The following CDKL5 variants were observed in gnomAD, a reference collection of about 807,000 sequenced individuals.
CDKL5 encodes cyclin dependent kinase like 5.
In CDKL5, 8 loss-of-function variants were observed where a neutral mutation model predicts 61.7. That is an observed-to-expected ratio of 0.13 (90% confidence interval 0.08 to 0.23). The LOEUF is 0.23. Ranked by LOEUF, CDKL5 falls within the 10% of genes least tolerant of loss-of-function variation. CDKL5 has a pLI of 1.00. For synonymous variants in CDKL5, 275 were observed against 272.3 expected (o/e 1.01, Z -0.10); for missense variants, 440 against 734.5 (o/e 0.60, Z 4.63).
chrX:18,540,711 CAG>C (rs1471431023), intron 3 of CDKL5, among the ~76,000 whole-genome samples: 5 of 105,713 alleles, frequency 4.7e-5, no homozygotes, highest in Admixed American at 3.1e-4. Context: ...TTTTTTGAGA[CAG>C]AGTCTTACTC....
chrX:18,606,804 A>G (rs987676994), intron 12 of CDKL5, among the ~76,000 whole-genome samples: 3 of 112,480 alleles, frequency 2.7e-5, no homozygotes, highest in Non-Finnish European at 3.8e-5. Context: ...TGGCTTTTGC[A>G]ATAATTCAAG....
chrX:18,445,066 G>A lies in CDKL5; in HGVS notation c.-163+19371G>A, dbSNP rs1403777138. Among the ~76,000 whole-genome samples, 3 of 103,674 alleles carry A rather than the reference G, an allele frequency of 2.9e-5. No homozygotes were observed. The Admixed American group carries it at 3.1e-4, about 11-fold the overall frequency. The allele number at this position is 103,674 out of a possible 115,157, so 90.0% of individuals were successfully genotyped here. ...GAACAGACTTGGGGTTTTCCCTTCT[G>A]TTTGGGTCACTTTTTTTTTTTTTTT... On this transcript the variant is annotated intron_variant, in intron 1 of 17. Coordinates refer to ENST00000623535, the MANE Select transcript of CDKL5 (RefSeq NM_001323289.2).
intron 3 of CDKL5, among the ~76,000 whole-genome samples, chrX:18,564,070 C>G (rs770028058): frequency 2.7e-5 from 3 of 111,642 alleles, no homozygotes; most frequent in South Asian, 7.5e-4. Flanking sequence ...CCAGCAACTA[C>G]TGTGTATTGG....
chrX:18,571,162 A>T (rs770965991), intron 4 of CDKL5, among the ~76,000 whole-genome samples: 2 of 111,391 alleles, frequency 1.8e-5, no homozygotes, highest in East Asian at 5.6e-4. Flanking sequence ...GTATGTGAAT[A>T]ATTGCAACTA....
chrX:18,533,142 C>T (rs1273821523), intron 3 of CDKL5, among the ~76,000 whole-genome samples: 1 of 111,153 alleles, frequency 9.0e-6, no homozygotes, highest in African/African-American at 3.3e-5. Context: ...AAATGATTTG[C>T]CGTACTGAAA....
chrX:18,439,394 G>GGTGTGTGTGT (rs752724398), intron 1 of CDKL5, among the ~76,000 whole-genome samples: 11 of 101,896 alleles, frequency 1.1e-4, no homozygotes, highest in Non-Finnish European at 2.0e-4. Flanking sequence ...TTCCATAATA[G>GGTGTGTGTGT]GTGTGTGTGT....
chrX:18,442,835 C>G (rs1380701915), intron 1 of CDKL5, among the ~76,000 whole-genome samples: 3 of 112,062 alleles, frequency 2.7e-5, no homozygotes, highest in Non-Finnish European at 5.6e-5. Context: ...GAAATTAGTT[C>G]AGCTCTTTTT....
chrX:18,590,826 T>G (rs746933478), intron 9 of CDKL5, among the ~76,000 whole-genome samples: 8 of 111,687 alleles, frequency 7.2e-5, no homozygotes, highest in Non-Finnish European at 1.3e-4. Flanking sequence ...TCTATTATAC[T>G]CAGAAATAAA....
intron 1 of CDKL5, among the ~76,000 whole-genome samples, chrX:18,476,783 T>A (rs1389266396): frequency 8.9e-6 from 1 of 112,340 alleles, no homozygotes; most frequent in African/African-American, 3.2e-5. Flanking sequence ...TCTTTTTTTT[T>A]TTGAGACGGA....
At chrX:18,434,618 A>G (rs978559490) in intron 1 of CDKL5, among the ~76,000 whole-genome samples, 1 of 112,268 alleles carries the variant, frequency 8.9e-6, no homozygotes, top group Non-Finnish European at 1.9e-5. Context: ...TTTAGATATC[A>G]GTTTTAAACT....
At chrX:18,558,221 A>T (rs1056511307) in intron 3 of CDKL5, among the ~76,000 whole-genome samples, 3 of 111,821 alleles carry the variant, frequency 2.7e-5, no homozygotes, top group Non-Finnish European at 3.8e-5. Flanking sequence ...ATTGCTTAAG[A>T]TGTCGGCTTT....
At chrX:18,616,375 C>T (rs1157191784) in intron 15 of CDKL5, among the ~76,000 whole-genome samples, 1 of 111,473 alleles carries the variant, frequency 9.0e-6, no homozygotes, top group African/African-American at 3.3e-5. Flanking sequence ...CCTGTAATCC[C>T]AGCACTTAGG....
intron 1 of CDKL5, among the ~76,000 whole-genome samples, chrX:18,431,919 C>CTT (rs57049489): frequency 1.9e-5 from 2 of 105,007 alleles, no homozygotes; most frequent in African/African-American, 7.0e-5. Flanking sequence ...TAGACCTCTC[C>CTT]TTTTTTTGAG....
chrX:18,628,498 G>A lies in CDKL5; in HGVS notation c.2624G>A (p.Arg875Gln). ...QQTKNSFSEIRIHPLSQASGG... is the reference protein window; with the variant it reads ...QQTKNSFSEIQIHPLSQASGG... ...ACCAAAAATTCCTTCTCAGAAATTCGGATTCACCCCCTGAGCCAGGCCTCT... is the reference window on the plus strand; with the variant it reads ...ACCAAAAATTCCTTCTCAGAAATTCAGATTCACCCCCTGAGCCAGGCCTCT... The change falls in exon 18 of 18, where the codon CGG (arginine) becomes CAG (glutamine). Residue 875 changes from arginine (R) to glutamine (Q), a missense_variant. Arg to Gln is a conservative substitution (Grantham distance 43, BLOSUM62 1). This residue lies in a region of CDKL5 where 363 missense variants were observed against 516.3 expected (regional missense o/e 0.70). Transcript: ENST00000623535. 6 of 1,211,789 alleles carry A rather than the reference G, an allele frequency of 5.0e-6. No individual in the cohort carries two copies. Among genetic ancestry groups the A allele is most frequent in the Non-Finnish European group, 5.6e-6 (5 of 895,501 alleles).
chrX:18,608,906 G>A lies in CDKL5; in HGVS notation c.2040G>A (p.Lys680=), dbSNP rs761995288. ...EGTSSFHTRQ[K]SEGGVYHDPH... Reference sequence around the variant, plus strand: ...CCTCTTCCTTCCATACACGCCAGAAGTCTGAGGTATGTCACAATAAAATAT... The same window carrying A: ...CCTCTTCCTTCCATACACGCCAGAAATCTGAGGTATGTCACAATAAAATAT... The change falls in exon 13 of 18, where the codon AAG becomes AAA. Residue 680 remains lysine, a synonymous_variant. Coordinates refer to ENST00000623535, the MANE Select transcript of CDKL5 (RefSeq NM_001323289.2). 1.7e-6 allele frequency: 2 copies of A among 1,163,969 alleles called. No homozygotes were observed. Among genetic ancestry groups the A allele is most frequent in the Admixed American group, 4.4e-5 (2 of 45,945 alleles).
intron 3 of CDKL5, among the ~76,000 whole-genome samples, chrX:18,536,611 A>C (rs932802392): frequency 9.3e-6 from 1 of 107,544 alleles, no homozygotes; most frequent in African/African-American, 3.4e-5. Flanking sequence ...ACCCCTGGCT[A>C]ATTTTTGTAT....
intron 17 of CDKL5, among the ~76,000 whole-genome samples, chrX:18,628,063 C>G (rs189643118): frequency 1.8e-5 from 2 of 111,958 alleles, no homozygotes; most frequent in African/African-American, 6.5e-5. Context: ...CTTTCTCCTT[C>G]CTGCTGGTTG....
chrX:18,572,170 G>A (rs1022456625), intron 4 of CDKL5, among the ~76,000 whole-genome samples: 1 of 111,685 alleles, frequency 9.0e-6, no homozygotes, highest in Non-Finnish European at 1.9e-5. Context: ...TTCTTTTACT[G>A]ATGAAAAGTT....
chrX:18,611,110 T>G, intron 14 of CDKL5, among the ~76,000 whole-genome samples: 1 of 111,667 alleles, frequency 9.0e-6, no homozygotes, highest in East Asian at 2.8e-4. Flanking sequence ...ATGCCATTTT[T>G]CCTGATACCA....
Sources: allele counts gnomAD v4.1 joint callset (sites outside exome capture counted in the v4.1 genomes callset), GRCh38; gene constraint gnomAD v4.1.1; regional missense constraint gnomAD v4.1.1; transcripts MANE v1.5; gene names NCBI Gene and HGNC (gene_info 2026-07-23, HGNC 2026-07-21).